The following ATG5 variants were observed in gnomAD, a reference collection of about 807,000 sequenced individuals.
ATG5 encodes the protein autophagy related 5.
A neutral mutation model predicts 36.5 loss-of-function variants in ATG5; 14 were observed. The ratio of observed to expected loss-of-function variants is 0.38; its 90% CI spans 0.25 to 0.60. ATG5 has a LOEUF of 0.60. Among genes scored for constraint, ATG5 ranks in the 20% least tolerant of loss-of-function variants. The pLI, the probability that ATG5 is intolerant of heterozygous loss-of-function variation, is 0.60. For missense variants in ATG5, 195 were observed against 326.7 expected (o/e 0.60, Z 3.11); for synonymous variants, 95 against 101.5 (o/e 0.94, Z 0.38).
intron 6 of ATG5, chr6:106,217,462 A>G (rs1165624597): frequency 1.3e-5 from 2 of 152,218 alleles, no homozygotes; most frequent in Non-Finnish European, 2.9e-5. Context: ...ATTGCTACCC[A>G]CATTGTGGAC....
intron 5 of ATG5, among the ~76,000 whole-genome samples, chr6:106,278,702 C>T (rs751082927): frequency 3.9e-5 from 6 of 152,126 alleles, no homozygotes; most frequent in Admixed American, 6.5e-5. Context: ...TCTCTCTTGG[C>T]CAATTCCCTT....
chr6:106,190,652 A>T (rs1300653567), intron 7 of ATG5, among the ~76,000 whole-genome samples: 1 of 152,206 alleles, frequency 6.6e-6, no homozygotes, highest in African/African-American at 2.4e-5. Context: ...ATCTACTTAA[A>T]AGTGAACATA....
intron 6 of ATG5, among the ~76,000 whole-genome samples, chr6:106,216,395 A>G (rs75193115): frequency 0.021 from 3,123 of 152,328 alleles, 97 homozygotes; most frequent in African/African-American, 0.072. Flanking sequence ...TGGTATCTTC[A>G]TACAACTATT....
chr6:106,239,505 A>G (rs1204568455), intron 6 of ATG5, among the ~76,000 whole-genome samples: 1 of 152,230 alleles, frequency 6.6e-6, no homozygotes, highest in East Asian at 1.9e-4. Context: ...AAAATTAATA[A>G]CTGAGAATAA....
intron 4 of ATG5, chr6:106,283,271 A>T (rs1280953335): frequency 6.6e-6 from 1 of 152,208 alleles, no homozygotes; most frequent in African/African-American, 2.4e-5. Context: ...TAATGTCTTT[A>T]TCAGGTTTCA....
At chr6:106,296,754 G>A (rs987256853) in intron 3 of ATG5, among the ~76,000 whole-genome samples, 2 of 152,186 alleles carry the variant, frequency 1.3e-5, no homozygotes, top group African/African-American at 4.8e-5. Flanking sequence ...GGAGGTGGAG[G>A]TTGCAGTGAG....
rs192441054 is a variant in ATG5, at chr6:106,220,518, A to T, written c.574-18429T>A. Among the ~76,000 whole-genome samples the T allele has an allele frequency of 7.2e-5, 11 of 152,318 alleles. No individual in the cohort carries two copies. The East Asian group carries it at 2.1e-3, about 29-fold the overall frequency. On this transcript the variant is annotated intron_variant, in intron 6 of 7. Coordinates refer to ENST00000369076, the MANE Select transcript of ATG5 (RefSeq NM_004849.4). Reference sequence around the variant, plus strand: ...CTCAGGTTAGAAATAAAGATAGGACATTAGTCTTTGTATTTTTAAATTGAT... The same window carrying T: ...CTCAGGTTAGAAATAAAGATAGGACTTTAGTCTTTGTATTTTTAAATTGAT...
At chr6:106,205,616 T>C (rs1776600627) in intron 6 of ATG5, among the ~76,000 whole-genome samples, 1 of 151,552 alleles carries the variant, frequency 6.6e-6, no homozygotes, top group African/African-American at 2.4e-5. Context: ...CTAGTCTTGG[T>C]TACATATTAA....
rs1778984929 is a variant in ATG5 at position 106,260,700 on chromosome 6, A to AC, written c.479-12457dup. Among the ~76,000 whole-genome samples the AC allele has an allele frequency of 6.6e-5, 10 of 152,366 alleles. No homozygotes were observed. The South Asian group carries it at 2.1e-3, about 32-fold the overall frequency. ...TGATTTTCACATAAAAGGATTCTGA[A>AC]CGTTACATAGCTTCTAAAGTAGTAA... On this transcript the variant is annotated intron_variant, in intron 5 of 7. Transcript: ENST00000369076.
At chr6:106,322,960 C>T (rs911202513) in intron 1 of ATG5, among the ~76,000 whole-genome samples, 1 of 152,168 alleles carries the variant, frequency 6.6e-6, no homozygotes, top group Non-Finnish European at 1.5e-5. Context: ...CGCTCTGTCG[C>T]CCAGGCTGGA....
chr6:106,319,955 G>A (rs1157713664), intron 1 of ATG5, among the ~76,000 whole-genome samples: 1 of 152,198 alleles, frequency 6.6e-6, no homozygotes, highest in African/African-American at 2.4e-5. Flanking sequence ...TTAGTTAACA[G>A]TAGATTATAT....
At chr6:106,268,912 G>A (rs1228801029) in intron 5 of ATG5, among the ~76,000 whole-genome samples, 1 of 152,034 alleles carries the variant, frequency 6.6e-6, no homozygotes, top group Admixed American at 6.6e-5. Flanking sequence ...GGAACATTAG[G>A]ACAAATACCT....
At chr6:106,236,557 C>T (rs532787856) in intron 6 of ATG5, among the ~76,000 whole-genome samples, 26 of 152,286 alleles carry the variant, frequency 1.7e-4, no homozygotes, top group Admixed American at 1.6e-3. Flanking sequence ...GAAGTAGTAT[C>T]TCACTGTTAT....
At chr6:106,293,230 A>G in intron 3 of ATG5, 124 bp from the exon 4 acceptor site, 4 of 757,926 alleles carry the variant, frequency 5.3e-6, no homozygotes, top group South Asian at 5.1e-5. Context: ...AATCACAGGA[A>G]GACTACATTC....
intron 7 of ATG5, 77 bp from the exon 8 acceptor site, chr6:106,186,753 T>C (rs1775786636): frequency 6.7e-7 from 1 of 1,492,940 alleles, no homozygotes; most frequent in East Asian, 2.3e-5. Flanking sequence ...CTTTTGAGAA[T>C]CCTTAGTGCA....
chr6:106,193,413 C>T (rs1776045603), intron 7 of ATG5, among the ~76,000 whole-genome samples: 1 of 152,004 alleles, frequency 6.6e-6, no homozygotes, highest in African/African-American at 2.4e-5. Context: ...AAAAACATGT[C>T]CATATTAATT....
intron 3 of ATG5, among the ~76,000 whole-genome samples, chr6:106,302,053 A>G (rs1463184210): frequency 6.6e-6 from 1 of 152,104 alleles, no homozygotes; most frequent in East Asian, 1.9e-4. Context: ...GAATATAGGA[A>G]GTACACACGT....
At position 106,325,738 on chromosome 6, in the gene ATG5, C is replaced by T. The variant is rs1255576706; in HGVS notation, c.-271G>A. Reference sequence around the variant, plus strand: ...TGCTGCACTTCCGCCCTCTGGTATCCAGCGAATACAACCGGCAACGCTGCG... The same window carrying T: ...TGCTGCACTTCCGCCCTCTGGTATCTAGCGAATACAACCGGCAACGCTGCG... On this transcript the variant is annotated 5_prime_UTR_variant, in exon 1 of 8. Transcript: ENST00000369076. 1 of 152,890 alleles carries T rather than the reference C, an allele frequency of 6.5e-6. No individual in the cohort carries two copies. Among genetic ancestry groups the T allele is most frequent in the African/African-American group, 2.4e-5 (1 of 41,466 alleles). The allele number at this position is 152,890 out of a possible 1,614,324, so 9.5% of individuals were successfully genotyped here. A position where few individuals can be genotyped will look rare whatever the true frequency, so the allele number is the denominator to read the frequency against.
rs557411375 is a variant in ATG5, at chr6:106,297,010, AT to A, written c.237-3905del. The stretch of plus-strand genomic sequence containing the variant: ...AGAGACAGCAGTACTCTAGACTTTA[AT>A]GACAATAGTGAAATTGATCATTTAA... On this transcript the variant is annotated intron_variant, in intron 3 of 7. Transcript: ENST00000369076. Among the ~76,000 whole-genome samples, 58 of 152,380 alleles carry A rather than the reference AT, an allele frequency of 3.8e-4. 1 individual carries two copies. In the South Asian group the frequency reaches 0.011, roughly 30 times the overall value.
Sources: allele counts gnomAD v4.1 joint callset (sites outside exome capture counted in the v4.1 genomes callset), GRCh38; gene constraint gnomAD v4.1.1; transcripts MANE v1.5; gene names NCBI Gene and HGNC (gene_info 2026-07-23, HGNC 2026-07-21).